MBD5: variants seen among roughly 807,000 people sequenced by gnomAD.
MBD5 encodes the protein methyl-CpG-binding domain protein 5.
A neutral mutation model predicts 117.3 loss-of-function variants in MBD5; 13 were observed. The ratio of observed to expected loss-of-function variants is 0.11; its 90% CI spans 0.07 to 0.18. The LOEUF is 0.18. Ranked by LOEUF, MBD5 falls within the 10% of genes least tolerant of loss-of-function variation. The probability of loss-of-function intolerance (pLI) is 1.00; values close to 1 mark genes in which losing one functional copy is unlikely to be tolerated. For missense variants in MBD5, 1,879 were observed against 2,093.8 expected, an observed-to-expected ratio of 0.90 and a Z score of 2.00; for synonymous variants, 727 against 766.4, an observed-to-expected ratio of 0.95 and a Z score of 0.85.
At chr2:148,143,040 T>C (rs1007869710) in intron 1 of MBD5, among the ~76,000 whole-genome samples, 1 of 152,180 alleles carries the variant, frequency 6.6e-6, no homozygotes, top group Non-Finnish European at 1.5e-5. Flanking sequence ...ATGGCAATTA[T>C]ACGGATGCAA....
chr2:148,486,161 T>C lies in MBD5; in HGVS notation c.3753+211T>C, dbSNP rs1270912506. Among the ~76,000 whole-genome samples, 3 of 152,204 alleles carry C rather than the reference T, an allele frequency of 2.0e-5. No individual in the cohort carries two copies. In the East Asian group the frequency reaches 5.8e-4, roughly 29 times the overall value. ...TGTCTGAAGTATCTCAGCAGTTCTTTTGGAGCTGTTAGTAAAAACTGATCG... is the reference window on the plus strand; with the variant it reads ...TGTCTGAAGTATCTCAGCAGTTCTTCTGGAGCTGTTAGTAAAAACTGATCG... On this transcript the variant is annotated intron_variant, in intron 10 of 13. Coordinates refer to ENST00000642680, the MANE Select transcript of MBD5 (RefSeq NM_001378120.1).
chr2:148,294,491 T>G lies in MBD5; in HGVS notation c.-679-47723T>G, dbSNP rs370526362. Among the ~76,000 whole-genome samples the G allele has an allele frequency of 6.8e-3, 973 of 142,678 alleles. 16 individuals carry two copies. Among genetic ancestry groups the G allele is most frequent in the African/African-American group, 0.024 (920 of 38,096 alleles). 93.6% of individuals were successfully genotyped at this position (142,678 alleles called of 152,430 possible). The stretch of plus-strand genomic sequence containing the variant: ...CGCCTGCCTCGGCCTCCCAAAGTGC[T>G]GGGATTACAGTTTTTTTTTTTTTTT... On this transcript the variant is annotated intron_variant, in intron 3 of 13. Coordinates refer to ENST00000642680, the MANE Select transcript of MBD5 (RefSeq NM_001378120.1).
At chr2:148,098,441 T>G (rs554170964) in intron 1 of MBD5, among the ~76,000 whole-genome samples, 2 of 152,250 alleles carry the variant, frequency 1.3e-5, no homozygotes, top group South Asian at 4.1e-4. Flanking sequence ...ATATATAGAT[T>G]TTTCAGCATA....
intron 3 of MBD5, among the ~76,000 whole-genome samples, chr2:148,234,722 G>C (rs1700056700): frequency 6.6e-6 from 1 of 152,060 alleles, no homozygotes; most frequent in Non-Finnish European, 1.5e-5. Flanking sequence ...AGATTCCACT[G>C]CTTCCTTCAG....
chr2:148,133,862 A>G (rs1014108344), intron 1 of MBD5, among the ~76,000 whole-genome samples: 6 of 152,102 alleles, frequency 3.9e-5, no homozygotes, highest in Non-Finnish European at 7.4e-5. Context: ...ATAAAACCAT[A>G]CTATTTTCAG....
intron 4 of MBD5, among the ~76,000 whole-genome samples, chr2:148,444,272 T>C (rs1346171462): frequency 6.6e-6 from 1 of 150,644 alleles, no homozygotes; most frequent in African/African-American, 2.5e-5. Context: ...CTCGCCCGTG[T>C]GTTGCTCCTT....
At chr2:148,197,813 T>TTTTG (rs1699032846) in intron 2 of MBD5, among the ~76,000 whole-genome samples, 2 of 115,022 alleles carry the variant, frequency 1.7e-5, no homozygotes, top group African/African-American at 3.1e-5. Context: ...TTTGTTTTTT[T>TTTTG]TTTTGTTTTT....
At chr2:148,334,695 G>A (rs897138387) in intron 3 of MBD5, among the ~76,000 whole-genome samples, 1 of 152,010 alleles carries the variant, frequency 6.6e-6, no homozygotes, top group Non-Finnish European at 1.5e-5. Context: ...TTTTGGAAAG[G>A]GATAGAGTTA....
chr2:148,462,918 A>G (rs927987103), intron 6 of MBD5, among the ~76,000 whole-genome samples: 1 of 152,180 alleles, frequency 6.6e-6, no homozygotes, highest in African/African-American at 2.4e-5. Flanking sequence ...AAATTTCATT[A>G]AAACCACCTT....
chr2:148,219,266 A>T (rs1249591524), intron 2 of MBD5, among the ~76,000 whole-genome samples: 1 of 152,116 alleles, frequency 6.6e-6, no homozygotes, highest in Non-Finnish European at 1.5e-5. Context: ...ATCTTGTCTC[A>T]CTGGAAGGAT....
At chr2:148,199,570 C>T (rs1699083704) in intron 2 of MBD5, among the ~76,000 whole-genome samples, 1 of 152,030 alleles carries the variant, frequency 6.6e-6, no homozygotes, top group Admixed American at 6.6e-5. Context: ...GAGTTTGAGA[C>T]CAGCCTGGGC....
intron 2 of MBD5, among the ~76,000 whole-genome samples, chr2:148,223,840 T>C (rs1402802159): frequency 6.6e-6 from 1 of 152,176 alleles, no homozygotes; most frequent in Non-Finnish European, 1.5e-5. Context: ...TTTTTCTTCT[T>C]TTTTCATGTA....
At chr2:148,158,507 T>A (rs1364589857) in intron 1 of MBD5, among the ~76,000 whole-genome samples, 68 of 152,200 alleles carry the variant, frequency 4.5e-4, no homozygotes, top group Non-Finnish European at 1.3e-4. Context: ...ACCTTCGTGG[T>A]ACGAAGAGCC....
intron 1 of MBD5, among the ~76,000 whole-genome samples, chr2:148,024,449 T>C (rs1693844872): frequency 6.6e-6 from 1 of 152,186 alleles, no homozygotes; most frequent in Non-Finnish European, 1.5e-5. Context: ...ACAAACATTT[T>C]TGTTTTGTTA....
chr2:148,108,075 T>TC (rs1425686583), intron 1 of MBD5, among the ~76,000 whole-genome samples: 1 of 145,486 alleles, frequency 6.9e-6, no homozygotes, highest in Non-Finnish European at 1.5e-5. Flanking sequence ...ATATTTCCTC[T>TC]CCCCCGAGTT....
intron 1 of MBD5, among the ~76,000 whole-genome samples, chr2:148,158,809 T>TC (rs1453032918): frequency 5.3e-5 from 8 of 152,196 alleles, no homozygotes; most frequent in Non-Finnish European, 1.0e-4. Flanking sequence ...AAGCTCCGCC[T>TC]CCCGGGTTCA....
intron 7 of MBD5, among the ~76,000 whole-genome samples, chr2:148,466,224 TCTGTTTATTCTTTTGGAAGGTA>T (rs1474437711): frequency 2.0e-5 from 3 of 152,178 alleles, no homozygotes; most frequent in Non-Finnish European, 2.9e-5. Context: ...AGCATCTGTT[TCTGTTTATTCTTTTGGAAGGTA>T]CTGTTTATTC....
At chr2:148,048,523 C>T (rs112864121) in intron 1 of MBD5, among the ~76,000 whole-genome samples, 268 of 152,104 alleles carry the variant, frequency 1.8e-3, no homozygotes, top group African/African-American at 6.1e-3. Context: ...GAAAAGAAGC[C>T]GCCAAATCTA....
intron 3 of MBD5, among the ~76,000 whole-genome samples, chr2:148,340,783 AG>A (rs1457134327): frequency 6.6e-6 from 1 of 151,506 alleles, no homozygotes; most frequent in Non-Finnish European, 1.5e-5. Flanking sequence ...TGCTCCATGA[AG>A]GGGCTCTATT....
Sources: allele counts gnomAD v4.1 joint callset (sites outside exome capture counted in the v4.1 genomes callset), GRCh38; gene constraint gnomAD v4.1.1; transcripts MANE v1.5; gene names NCBI Gene and HGNC (gene_info 2026-07-23, HGNC 2026-07-21).